SPECC1: variants seen among roughly 807,000 people sequenced by gnomAD.
The protein encoded by SPECC1 is sperm antigen with calponin homology and coiled-coil domains 1.
Under a neutral mutation model 104.1 loss-of-function variants are expected in SPECC1, and 62 were observed. The ratio of observed to expected loss-of-function variants is 0.60; its 90% confidence interval spans 0.49 to 0.74. The LOEUF is 0.74. SPECC1 is among the 30% of genes least tolerant of loss of function. The pLI, the probability that SPECC1 is intolerant of heterozygous loss-of-function variation, is 0.00. For missense variants in SPECC1, 1,306 were observed against 1,310.5 expected, an observed-to-expected ratio of 1.00 and a Z score of 0.05; for synonymous variants, 513 against 501.6, an observed-to-expected ratio of 1.02 and a Z score of -0.30.
chr17:20,215,141 T>A (rs924492738), intron 4 of SPECC1, among the ~76,000 whole-genome samples: 1 of 152,248 alleles, frequency 6.6e-6, no homozygotes, highest in Admixed American at 6.5e-5. Context: ...GCCTCGTGCC[T>A]GAGGTCTCTC....
chr17:20,163,233 TAA>T (rs1167083741), intron 3 of SPECC1, among the ~76,000 whole-genome samples: 3 of 152,186 alleles, frequency 2.0e-5, no homozygotes, highest in African/African-American at 7.2e-5. Context: ...TTTTTAAAAT[TAA>T]GTCATTTAAA....
chr17:20,227,077 C>T (rs547718849), intron 4 of SPECC1, among the ~76,000 whole-genome samples: 5 of 152,190 alleles, frequency 3.3e-5, no homozygotes, highest in South Asian at 4.1e-4. Flanking sequence ...TATTTAAGTA[C>T]GTGCAGATTC....
chr17:20,092,972 A>C lies in SPECC1; in HGVS notation c.-21-3659A>C, dbSNP rs1597681504. 2.0e-5 allele frequency among the ~76,000 whole-genome samples: 3 copies of C among 152,296 alleles called. No homozygotes were observed. The East Asian group carries it at 5.8e-4, about 29-fold the overall frequency. ...TGGTGTTTAGGTGTGTAGGTTTTGG[A>C]ACCAATTTAAACTGGATCTGAATCT... On this transcript the variant is annotated intron_variant, in intron 1 of 14. Coordinates refer to ENST00000395527, the MANE Select transcript of SPECC1 (RefSeq NM_001243439.2).
intron 1 of SPECC1, among the ~76,000 whole-genome samples, chr17:20,071,307 A>G (rs908320524): frequency 3.9e-5 from 6 of 151,966 alleles, no homozygotes; most frequent in African/African-American, 1.5e-4. Context: ...CTATTCCTGA[A>G]CCATGCCATT....
chr17:20,102,180 T>C (rs2047975584), intron 2 of SPECC1, among the ~76,000 whole-genome samples: 1 of 152,178 alleles, frequency 6.6e-6, no homozygotes, highest in African/African-American at 2.4e-5. Context: ...CAAGAATTAG[T>C]AACTGAGACT....
intron 13 of SPECC1, among the ~76,000 whole-genome samples, chr17:20,297,413 A>G (rs983262360): frequency 3.3e-5 from 5 of 152,262 alleles, no homozygotes; most frequent in Non-Finnish European, 7.3e-5. Context: ...TTCAGAGAGC[A>G]TGGTGCCTGT....
chr17:20,253,445 T>C (rs2039705930), intron 9 of SPECC1, 60 bp from the exon 10 acceptor site: 1 of 1,538,860 alleles, frequency 6.5e-7, no homozygotes, highest in African/African-American at 1.4e-5. Context: ...CACACATCTG[T>C]GTTTGTGCTA....
chr17:20,042,447 G>C (rs2045368538), intron 1 of SPECC1, among the ~76,000 whole-genome samples: 1 of 152,214 alleles, frequency 6.6e-6, no homozygotes, highest in Non-Finnish European at 1.5e-5. Flanking sequence ...GACCCCAGCA[G>C]GGAGGGCCTC....
At chr17:20,119,766 G>A (rs2048937130) in intron 3 of SPECC1, among the ~76,000 whole-genome samples, 1 of 152,198 alleles carries the variant, frequency 6.6e-6, no homozygotes, top group Admixed American at 6.5e-5. Context: ...ATATTTGATT[G>A]CATTTTGTCT....
At chr17:20,296,350 C>T (rs1480308759) in intron 12 of SPECC1, among the ~76,000 whole-genome samples, 5 of 152,012 alleles carry the variant, frequency 3.3e-5, no homozygotes, top group Admixed American at 2.6e-4. Flanking sequence ...GTATTATTTC[C>T]GAGGGCTCTA....
chr17:20,033,433 A>T (rs1037274558), intron 1 of SPECC1, among the ~76,000 whole-genome samples: 1 of 152,130 alleles, frequency 6.6e-6, no homozygotes, highest in Non-Finnish European at 1.5e-5. Flanking sequence ...TTGTCTTGCT[A>T]TAAAGGAATA....
chr17:20,171,698 C>T (rs2151182652), intron 3 of SPECC1, among the ~76,000 whole-genome samples: 1 of 152,214 alleles, frequency 6.6e-6, no homozygotes, highest in East Asian at 1.9e-4. Context: ...CAGACGTGTG[C>T]CACCTCACTT....
At chr17:20,024,648 G>A (rs1291098216) in intron 1 of SPECC1, among the ~76,000 whole-genome samples, 1 of 152,196 alleles carries the variant, frequency 6.6e-6, no homozygotes, top group Non-Finnish European at 1.5e-5. Flanking sequence ...ACTAGTGGGA[G>A]ATTGAAAGGT....
At position 20,204,465 on chromosome 17, in the gene SPECC1, ACACTCC is replaced by A. The variant is rs2036637480; in HGVS notation, c.423_428del (p.Pro143_Thr144del). ...TCAGTGTCCAGTCCAACTTCTTCCA[ACACTCC>A]CACTCCTACGAAACACCTGAGGACC... On this transcript the variant is annotated inframe_deletion, in exon 4 of 15. Coordinates refer to ENST00000395527, the MANE Select transcript of SPECC1 (RefSeq NM_001243439.2). 6.2e-7 allele frequency: 1 copy of A among 1,613,910 alleles called. No homozygotes were observed. Among genetic ancestry groups the A allele is most frequent in the Admixed American group, 1.7e-5 (1 of 59,982 alleles).
chr17:20,220,645 C>T (rs1474477282), intron 4 of SPECC1, among the ~76,000 whole-genome samples: 2 of 150,024 alleles, frequency 1.3e-5, no homozygotes, highest in Non-Finnish European at 3.0e-5. Flanking sequence ...TGACTTCTTC[C>T]TTTCCAATTT....
At chr17:20,103,883 C>T (rs1361011788) in intron 2 of SPECC1, among the ~76,000 whole-genome samples, 1 of 152,136 alleles carries the variant, frequency 6.6e-6, no homozygotes, top group Non-Finnish European at 1.5e-5. Flanking sequence ...TCTAAGGGCT[C>T]TTTTACTGTG....
intron 12 of SPECC1, among the ~76,000 whole-genome samples, chr17:20,271,254 A>G (rs910216825): frequency 6.6e-6 from 1 of 151,954 alleles, no homozygotes; most frequent in Non-Finnish European, 1.5e-5. Flanking sequence ...GCTGACTAGC[A>G]CGTTTATCAA....
At chr17:20,255,858 C>T (rs1216211502) in intron 10 of SPECC1, among the ~76,000 whole-genome samples, 1 of 151,730 alleles carries the variant, frequency 6.6e-6, no homozygotes, top group Non-Finnish European at 1.5e-5. Flanking sequence ...AGTTATGAGC[C>T]ATCATGCCTG....
intron 13 of SPECC1, among the ~76,000 whole-genome samples, chr17:20,302,239 A>G (rs930384265): frequency 1.3e-5 from 2 of 152,288 alleles, no homozygotes; most frequent in East Asian, 3.9e-4. Flanking sequence ...GCTGGTGACT[A>G]AGAGTTTTGC....
Sources: gnomAD v4.1 joint callset for allele counts (sites outside exome capture counted in the v4.1 genomes callset) on GRCh38, gnomAD v4.1.1 for gene constraint, MANE v1.5 for transcripts, NCBI Gene and HGNC (gene_info 2026-07-23, HGNC 2026-07-21) for gene names.